RGS7: variants seen among roughly 807,000 people sequenced by gnomAD.
The protein encoded by RGS7 is regulator of G protein signaling 7, also known as regulator of G-protein signaling 7.
Under a neutral mutation model 81.1 loss-of-function variants are expected in RGS7, and 27 were observed. That is an observed-to-expected ratio of 0.33 (90% CI 0.25 to 0.46). RGS7 has a LOEUF of 0.46. RGS7 is among the 20% of genes least tolerant of loss of function. The probability of loss-of-function intolerance (pLI) is 1.00; values close to 1 mark genes in which losing one functional copy is unlikely to be tolerated. For synonymous variants in RGS7, 208 were observed against 207.7 expected (o/e 1.00, Z -0.01); for missense variants, 396 against 607.4 (o/e 0.65, Z 3.66).
intron 10 of RGS7, among the ~76,000 whole-genome samples, chr1:240,818,672 G>A (rs141470999): frequency 6.6e-6 from 1 of 152,176 alleles, no homozygotes; most frequent in Non-Finnish European, 1.5e-5. Context: ...AGGACATTAT[G>A]TTTAGTGAAA....
At chr1:241,290,906 G>C (rs2079052845) in intron 2 of RGS7, among the ~76,000 whole-genome samples, 1 of 152,140 alleles carries the variant, frequency 6.6e-6, no homozygotes, top group African/African-American at 2.4e-5. Context: ...TACAAGATTT[G>C]TATGTATGTA....
At chr1:241,044,830 T>C (rs1003437379) in intron 3 of RGS7, among the ~76,000 whole-genome samples, 1 of 152,202 alleles carries the variant, frequency 6.6e-6, no homozygotes, top group East Asian at 1.9e-4. Flanking sequence ...TTCTCCCTTA[T>C]TAAATAAGTT....
chr1:240,814,482 C>A (rs937718283), intron 12 of RGS7, among the ~76,000 whole-genome samples: 6 of 152,196 alleles, frequency 3.9e-5, no homozygotes, highest in Non-Finnish European at 5.9e-5. Flanking sequence ...CTTAGTGGAA[C>A]AAGGACTGGA....
Position 241,234,475 on chromosome 1 carries a change from T to G in RGS7, c.78+121224A>C, listed in dbSNP as rs1201509550. On this transcript the variant is annotated intron_variant, in intron 2 of 18. Transcript: ENST00000440928. ...GCCAATGCATATCTTGTTTTTCTTT[T>G]TCTTTTTTTCTTTTTTTTTTTCTCC... 5.4e-5 allele frequency among the ~76,000 whole-genome samples: 8 copies of G among 149,024 alleles called. No homozygotes were observed. In the Admixed American group the frequency reaches 5.6e-4, roughly 10 times the overall value.
chr1:241,198,261 C>A (rs1270242418), intron 2 of RGS7, among the ~76,000 whole-genome samples: 1 of 151,664 alleles, frequency 6.6e-6, no homozygotes, highest in Non-Finnish European at 1.5e-5. Context: ...GCTGAAAAAT[C>A]AACGATTAAG....
At chr1:241,295,659 T>A (rs2079380965) in intron 2 of RGS7, among the ~76,000 whole-genome samples, 1 of 152,164 alleles carries the variant, frequency 6.6e-6, no homozygotes, top group Admixed American at 6.5e-5. Flanking sequence ...GGCAGAGATT[T>A]TCTTCTGTCT....
At chr1:241,001,014 A>ACCAC (rs769209933) in intron 3 of RGS7, among the ~76,000 whole-genome samples, 5 of 151,924 alleles carry the variant, frequency 3.3e-5, no homozygotes, top group Non-Finnish European at 5.9e-5. Context: ...GCAGCTAGTG[A>ACCAC]CCACCTTACT....
At chr1:240,865,778 T>C (rs1215815529) in intron 9 of RGS7, among the ~76,000 whole-genome samples, 1 of 152,212 alleles carries the variant, frequency 6.6e-6, no homozygotes, top group Admixed American at 6.5e-5. Context: ...CCTATGCCAC[T>C]TTTTCTTGAG....
chr1:240,820,375 A>T (rs995232866), intron 10 of RGS7, among the ~76,000 whole-genome samples: 4 of 152,232 alleles, frequency 2.6e-5, no homozygotes, highest in Non-Finnish European at 5.9e-5. Context: ...TTCATTAAAT[A>T]AAATAGATTC....
chr1:240,851,015 T>A (rs1660005755), intron 9 of RGS7, among the ~76,000 whole-genome samples: 1 of 152,214 alleles, frequency 6.6e-6, no homozygotes, highest in South Asian at 2.1e-4. Context: ...AAGCAGCAAG[T>A]GTTGATGGAG....
At chr1:241,153,734 T>C (rs1339609195) in intron 2 of RGS7, among the ~76,000 whole-genome samples, 1 of 152,236 alleles carries the variant, frequency 6.6e-6, no homozygotes, top group South Asian at 2.1e-4. Flanking sequence ...ACTACTTTGT[T>C]CTATGTTTCA....
At chr1:240,944,272 G>A (rs1678121282) in intron 4 of RGS7, among the ~76,000 whole-genome samples, 1 of 37,196 alleles carries the variant, frequency 2.7e-5, no homozygotes, top group African/African-American at 6.0e-5. Context: ...GTGTGTGTGT[G>A]TGTGTGTGTG....
At chr1:241,175,789 G>C (rs1457548709) in intron 2 of RGS7, among the ~76,000 whole-genome samples, 2 of 152,160 alleles carry the variant, frequency 1.3e-5, no homozygotes, top group Non-Finnish European at 1.5e-5. Context: ...AATAGTTGGA[G>C]AGGAGGAAAA....
At chr1:240,943,985 G>T (rs915580040) in intron 4 of RGS7, among the ~76,000 whole-genome samples, 2 of 151,956 alleles carry the variant, frequency 1.3e-5, no homozygotes, top group African/African-American at 4.8e-5. Context: ...TAAAGCAATT[G>T]GCAGTGAGAG....
At chr1:241,045,689 C>T (rs924004300) in intron 3 of RGS7, among the ~76,000 whole-genome samples, 5 of 152,108 alleles carry the variant, frequency 3.3e-5, no homozygotes, top group African/African-American at 4.8e-5. Flanking sequence ...GAACAGTGAA[C>T]GCTATTCTAC....
rs958911631 is a variant in RGS7, at chr1:240,881,242, C to T, written c.386-11123G>A. ...GAAATCATCATTCTGAGCAAACTATCGCAAGGTCAGAAAACCAAACACAGC... is the reference window on the plus strand; with the variant it reads ...GAAATCATCATTCTGAGCAAACTATTGCAAGGTCAGAAAACCAAACACAGC... On this transcript the variant is annotated intron_variant, in intron 6 of 18. Transcript: ENST00000440928. Among the ~76,000 whole-genome samples, 4 of 151,462 alleles carry T rather than the reference C, an allele frequency of 2.6e-5. No homozygotes were observed. The South Asian group carries it at 8.3e-4, about 32-fold the overall frequency.
intron 9 of RGS7, among the ~76,000 whole-genome samples, chr1:240,849,430 C>A (rs1659685926): frequency 6.6e-6 from 1 of 152,198 alleles, no homozygotes; most frequent in Non-Finnish European, 1.5e-5. Context: ...TAAAACAAAA[C>A]TCAGTCTCTC....
At chr1:240,782,041 C>T (rs1048582648) in intron 18 of RGS7, among the ~76,000 whole-genome samples, 1 of 151,784 alleles carries the variant, frequency 6.6e-6, no homozygotes, top group African/African-American at 2.4e-5. Context: ...ATCTTAAGTG[C>T]AGCACTGAGG....
intron 3 of RGS7, among the ~76,000 whole-genome samples, chr1:241,050,279 T>C (rs2061177822): frequency 1.3e-5 from 2 of 151,828 alleles, no homozygotes; most frequent in Non-Finnish European, 2.9e-5. Flanking sequence ...GGGGATGGTG[T>C]GAATAGAGCT....
Sources: allele counts gnomAD v4.1 joint callset (sites outside exome capture counted in the v4.1 genomes callset), GRCh38; gene constraint gnomAD v4.1.1; transcripts MANE v1.5; gene names NCBI Gene and HGNC (gene_info 2026-07-23, HGNC 2026-07-21).